The following ARB2A variants were observed in gnomAD, a reference collection of about 807,000 sequenced individuals.
ARB2A encodes the protein ARB2 cotranscriptional regulator A, also known as cotranscriptional regulator ARB2A.
the ARB2A span, among the ~76,000 whole-genome samples, chr5:94,061,094 C>T: frequency 4.6e-5 from 7 of 151,940 alleles, no homozygotes; most frequent in Non-Finnish European, 8.8e-5. Context: ...AAAAATTAGC[C>T]GGGCATGGTG....
the ARB2A span, among the ~76,000 whole-genome samples, chr5:93,800,608 G>A: frequency 6.6e-6 from 1 of 152,040 alleles, no homozygotes; most frequent in Non-Finnish European, 1.5e-5. Context: ...TTTTAAAAGT[G>A]CGTATTAAAA....
chr5:93,843,926 G>T, the ARB2A span, among the ~76,000 whole-genome samples: 2 of 151,964 alleles, frequency 1.3e-5, no homozygotes, highest in African/African-American at 4.8e-5. Context: ...TTTGCTGATA[G>T]ATTAAAGTGA....
chr5:93,759,352 T>G, the ARB2A span, among the ~76,000 whole-genome samples: 1 of 152,152 alleles, frequency 6.6e-6, no homozygotes, highest in East Asian at 1.9e-4. Flanking sequence ...TTTGACACTA[T>G]TCCATAAGAT....
chr5:93,958,336 T>C, the ARB2A span, among the ~76,000 whole-genome samples: 2 of 152,060 alleles, frequency 1.3e-5, no homozygotes, highest in Admixed American at 1.3e-4. Context: ...ATGAGATTAA[T>C]TCAAAGTAGC....
the ARB2A span, among the ~76,000 whole-genome samples, chr5:94,054,716 T>C: frequency 6.6e-6 from 1 of 152,192 alleles, no homozygotes; most frequent in Admixed American, 6.5e-5. Flanking sequence ...CTACCTCCCA[T>C]AGCAAAGAAC....
chr5:93,795,087 G>A, the ARB2A span, among the ~76,000 whole-genome samples: 2 of 152,190 alleles, frequency 1.3e-5, no homozygotes, highest in East Asian at 1.9e-4. Flanking sequence ...GTAGGGATAG[G>A]TGTGTCTGAG....
the ARB2A span, among the ~76,000 whole-genome samples, chr5:94,016,132 A>G: frequency 6.6e-6 from 1 of 152,236 alleles, no homozygotes; most frequent in African/African-American, 2.4e-5. Context: ...GAGCAGAAGT[A>G]GTTGTACTTA....
chr5:94,091,090 A>G, the ARB2A span, among the ~76,000 whole-genome samples: 1 of 152,216 alleles, frequency 6.6e-6, no homozygotes, highest in Admixed American at 6.5e-5. Context: ...AGAAAGAGAA[A>G]GGAAGTGGAC....
chr5:93,968,329 C>T, the ARB2A span, among the ~76,000 whole-genome samples: 4 of 152,088 alleles, frequency 2.6e-5, no homozygotes, highest in Non-Finnish European at 5.9e-5. Flanking sequence ...AAATGCACCA[C>T]ATACAGGAAC....
At chr5:93,928,499 A>T in the ARB2A span, among the ~76,000 whole-genome samples, 1 of 152,222 alleles carries the variant, frequency 6.6e-6, no homozygotes, top group African/African-American at 2.4e-5. Flanking sequence ...TGCAAAGCAC[A>T]ATGCTTATTA....
At chr5:93,735,993 G>A in the ARB2A span, 8 of 152,116 alleles carry the variant, frequency 5.3e-5, no homozygotes, top group Non-Finnish European at 8.8e-5. Flanking sequence ...AGCATTAAGA[G>A]CAGACATTAA....
chr5:93,869,792 G>A, the ARB2A span, among the ~76,000 whole-genome samples: 4 of 152,098 alleles, frequency 2.6e-5, no homozygotes, highest in Middle Eastern at 3.2e-3. Flanking sequence ...CTTTGAGAAT[G>A]TACTTTGTGA....
the ARB2A span, among the ~76,000 whole-genome samples, chr5:93,875,933 G>A: frequency 1.3e-5 from 2 of 152,040 alleles, no homozygotes; most frequent in African/African-American, 4.8e-5. Context: ...GTTATGGGGG[G>A]TGAAAATATG....
At chr5:94,058,766 G>C in the ARB2A span, among the ~76,000 whole-genome samples, 1 of 152,130 alleles carries the variant, frequency 6.6e-6, no homozygotes, top group Non-Finnish European at 1.5e-5. Flanking sequence ...ATCAATGCTG[G>C]GAAGTGACAT....
the ARB2A span, among the ~76,000 whole-genome samples, chr5:93,936,843 C>A: frequency 1.3e-5 from 2 of 151,960 alleles, no homozygotes; most frequent in East Asian, 1.9e-4. Flanking sequence ...TTATACAGAA[C>A]AAGTGATCAC....
At chr5:93,910,195 T>C in the ARB2A span, among the ~76,000 whole-genome samples, 9 of 150,866 alleles carry the variant, frequency 6.0e-5, no homozygotes, top group African/African-American at 1.9e-4. Context: ...AAAATAAACT[T>C]ACATGTACTG....
chr5:93,989,503 C>T, the ARB2A span, among the ~76,000 whole-genome samples: 1 of 152,060 alleles, frequency 6.6e-6, no homozygotes, highest in African/African-American at 2.4e-5. Flanking sequence ...CCTTTAAATC[C>T]TATCATCCCA....
At chr5:93,758,072 G>A in the ARB2A span, among the ~76,000 whole-genome samples, 6 of 152,142 alleles carry the variant, frequency 3.9e-5, no homozygotes, top group East Asian at 3.9e-4. Flanking sequence ...GCAAATGGAC[G>A]CCAAAAGCAA....
At chr5:93,671,956 A>C in the ARB2A span, among the ~76,000 whole-genome samples, 2 of 152,204 alleles carry the variant, frequency 1.3e-5, no homozygotes, top group Non-Finnish European at 2.9e-5. Context: ...CATGCTAGTA[A>C]GTACTGTCTA....
Sources: gnomAD v4.1 joint callset for allele counts (sites outside exome capture counted in the v4.1 genomes callset) on GRCh38, gnomAD v4.1.1 for gene constraint, MANE v1.5 for transcripts, NCBI Gene and HGNC (gene_info 2026-07-23, HGNC 2026-07-21) for gene names.